TENM4: variants seen among roughly 807,000 people sequenced by gnomAD.
TENM4 encodes the protein teneurin transmembrane protein 4.
TENM4 carries 82 observed loss-of-function variants against 243.3 expected under a neutral mutation model. That is an observed-to-expected ratio of 0.34 (90% confidence interval 0.28 to 0.40). TENM4 has a LOEUF of 0.40. TENM4 is among the 10% of genes least tolerant of loss of function. The pLI is 1.00. For missense variants in TENM4, 3,138 were observed against 3,673.3 expected, an observed-to-expected ratio of 0.85 and a Z score of 3.77; for synonymous variants, 1,412 against 1,456.3, an observed-to-expected ratio of 0.97 and a Z score of 0.69.
intron 1 of TENM4, among the ~76,000 whole-genome samples, chr11:79,437,246 C>G (rs1023566466): frequency 3.3e-5 from 5 of 151,924 alleles, no homozygotes; most frequent in Admixed American, 6.5e-5. Context: ...CTCCCCAACA[C>G]ATGCACACAC....
chr11:78,842,274 T>C (rs1385153332), intron 12 of TENM4, among the ~76,000 whole-genome samples: 1 of 152,214 alleles, frequency 6.6e-6, no homozygotes, highest in Non-Finnish European at 1.5e-5. Flanking sequence ...GCCTCTCCCT[T>C]ACAAGGTAAA....
At chr11:78,933,917 T>G (rs1359471989) in intron 6 of TENM4, among the ~76,000 whole-genome samples, 2 of 152,110 alleles carry the variant, frequency 1.3e-5, no homozygotes, top group Admixed American at 1.3e-4. Flanking sequence ...GTCCACCAAC[T>G]GCAGATACAA....
At chr11:79,223,717 G>C (rs1864206543) in intron 2 of TENM4, among the ~76,000 whole-genome samples, 1 of 152,070 alleles carries the variant, frequency 6.6e-6, no homozygotes, top group Admixed American at 6.5e-5. Context: ...GTCTTCCATG[G>C]CTCTTCCTTT....
At chr11:79,054,099 CT>C (rs1230363598) in intron 6 of TENM4, among the ~76,000 whole-genome samples, 13 of 152,164 alleles carry the variant, frequency 8.5e-5, no homozygotes, top group Admixed American at 8.5e-4. Flanking sequence ...CTGTATCTTC[CT>C]AAGTCAGCTC....
chr11:78,980,499 T>C (rs593563), intron 6 of TENM4, among the ~76,000 whole-genome samples: 55,931 of 152,088 alleles, frequency 0.37, 11,725 homozygotes, highest in Non-Finnish European at 0.48. Flanking sequence ...GAACTGCACA[T>C]GAGGAAGTTG....
At chr11:78,981,093 C>T (rs993104245) in intron 6 of TENM4, among the ~76,000 whole-genome samples, 29 of 152,092 alleles carry the variant, frequency 1.9e-4, no homozygotes, top group Non-Finnish European at 4.4e-5. Context: ...AACCTCATTA[C>T]TATGAAGTAT....
intron 1 of TENM4, among the ~76,000 whole-genome samples, chr11:79,409,787 C>T (rs1858659789): frequency 6.6e-6 from 1 of 152,206 alleles, no homozygotes; most frequent in Admixed American, 6.5e-5. Flanking sequence ...GGCTCCACAA[C>T]CAATGAGGAA....
At chr11:79,027,735 A>G (rs1318926511) in intron 6 of TENM4, among the ~76,000 whole-genome samples, 1 of 152,064 alleles carries the variant, frequency 6.6e-6, no homozygotes, top group Non-Finnish European at 1.5e-5. Context: ...TCCATAGGAG[A>G]CATATTTCAT....
intron 29 of TENM4, among the ~76,000 whole-genome samples, chr11:78,683,352 C>G (rs2135707503): frequency 1.3e-5 from 1 of 75,040 alleles, no homozygotes; most frequent in East Asian, 2.1e-4. Flanking sequence ...CGAGCCTGGG[C>G]TATGGCGGGC....
At chr11:78,922,093 T>C (rs1234170679) in intron 6 of TENM4, among the ~76,000 whole-genome samples, 2 of 152,182 alleles carry the variant, frequency 1.3e-5, no homozygotes, top group African/African-American at 4.8e-5. Flanking sequence ...TGGGAGACAG[T>C]GCCCAGGAGA....
intron 14 of TENM4, among the ~76,000 whole-genome samples, chr11:78,810,325 A>AT (rs1316858562): frequency 6.6e-6 from 1 of 152,126 alleles, no homozygotes; most frequent in African/African-American, 2.4e-5. Context: ...AGTTCCAGAC[A>AT]TTTTTTTCTC....
chr11:78,884,737 A>G (rs1038247705), intron 9 of TENM4, among the ~76,000 whole-genome samples: 2 of 152,256 alleles, frequency 1.3e-5, no homozygotes, highest in African/African-American at 4.8e-5. Flanking sequence ...GAATTACAGC[A>G]TACAGGTTAA....
intron 6 of TENM4, among the ~76,000 whole-genome samples, chr11:79,055,948 T>C (rs905481782): frequency 1.3e-5 from 2 of 152,148 alleles, no homozygotes; most frequent in African/African-American, 4.8e-5. Context: ...CAGCCTAAAA[T>C]TGAAACCAGA....
At chr11:79,024,228 C>T (rs1859014205) in intron 6 of TENM4, among the ~76,000 whole-genome samples, 1 of 152,204 alleles carries the variant, frequency 6.6e-6, no homozygotes, top group Admixed American at 6.5e-5. Context: ...CCTGTAACAC[C>T]TCTGTTGGCT....
chr11:78,694,115 A>G (rs991618358), intron 28 of TENM4, among the ~76,000 whole-genome samples: 28 of 152,204 alleles, frequency 1.8e-4, no homozygotes, highest in Admixed American at 1.1e-3. Flanking sequence ...TTCACACTCA[A>G]TACTTCATCT....
At chr11:79,120,698 T>C (rs1166401066) in intron 4 of TENM4, among the ~76,000 whole-genome samples, 1 of 152,196 alleles carries the variant, frequency 6.6e-6, no homozygotes, top group Non-Finnish European at 1.5e-5. Context: ...AAAATATAAA[T>C]ACTAAATACT....
chr11:79,243,298 G>A lies in TENM4; in HGVS notation c.-264-27389C>T, dbSNP rs149293121. ...GTTTTCTCCTTTTGTGAGGCACCACGGTGTGCATGGGCTGTCTTGTCGTTG... is the reference window on the plus strand; with the variant it reads ...GTTTTCTCCTTTTGTGAGGCACCACAGTGTGCATGGGCTGTCTTGTCGTTG... On this transcript the variant is annotated intron_variant, in intron 2 of 33. Coordinates refer to ENST00000278550, the MANE Select transcript of TENM4 (RefSeq NM_001098816.3). 5.6e-3 allele frequency among the ~76,000 whole-genome samples: 860 copies of A among 152,218 alleles called. 5 individuals carry two copies. Among genetic ancestry groups the A allele is most frequent in the African/African-American group, 0.02 (832 of 41,536 alleles).
chr11:79,291,439 C>T (rs1856355009), intron 2 of TENM4, among the ~76,000 whole-genome samples: 1 of 152,166 alleles, frequency 6.6e-6, no homozygotes, highest in Non-Finnish European at 1.5e-5. Context: ...AACCAAACAG[C>T]ATGGTCATGG....
At chr11:78,658,927 G>C in intron 33 of TENM4, 111 bp from the exon 34 acceptor site, 1 of 1,245,410 alleles carries the variant, frequency 8.0e-7, no homozygotes, top group Non-Finnish European at 1.1e-6. Context: ...TTATTAACCT[G>C]CGGCATGTAG....
Sources: gnomAD v4.1 joint callset for allele counts (sites outside exome capture counted in the v4.1 genomes callset) on GRCh38, gnomAD v4.1.1 for gene constraint, MANE v1.5 for transcripts, NCBI Gene and HGNC (gene_info 2026-07-23, HGNC 2026-07-21) for gene names.